PTPRF: variants seen among roughly 807,000 people sequenced by gnomAD.
The protein encoded by PTPRF is receptor-type tyrosine-protein phosphatase F.
Under a neutral mutation model 201.8 loss-of-function variants are expected in PTPRF, and 59 were observed. The observed-to-expected ratio is 0.29, with a 90% CI of 0.24 to 0.36. PTPRF has a LOEUF of 0.36. Among genes scored for constraint, PTPRF ranks in the 10% least tolerant of loss-of-function variants. The pLI is 1.00. For synonymous variants in PTPRF, 1,088 were observed against 1,089.7 expected, an observed-to-expected ratio of 1.00 and a Z score of 0.03; for missense variants, 2,132 against 2,690.5, an observed-to-expected ratio of 0.79 and a Z score of 4.59.
intron 14 of PTPRF, 71 bp downstream of exon 14, chr1:43,602,168 C>G: frequency 6.5e-7 from 1 of 1,531,424 alleles, no homozygotes; most frequent in Admixed American, 1.7e-5. Flanking sequence ...CCTCCTCTCC[C>G]TCCTTTCCTG....
rs762765550 is a variant in PTPRF at position 43,619,515 on chromosome 1, A to G, written c.4874A>G (p.Gln1625Arg). The G allele has an allele frequency of 3.7e-6, 6 of 1,614,022 alleles. No homozygotes were observed. The highest frequency in any genetic ancestry group is 5.1e-6 in the Non-Finnish European group (6 of 1,180,018). Reference protein sequence around the residue: ...VPARNLYAHIQKLGQVPPGES... With the variant: ...VPARNLYAHIRKLGQVPPGES... ...GCCCGCAACCTGTATGCCCACATCC[A>G]GAAGCTGGGCCAAGTGCCTCCAGGG... The change falls in exon 28 of 34, where the codon CAG becomes CGG. Residue 1625 changes from glutamine (Q) to arginine (R), a missense_variant. Around this residue, in one of 6 missense-constraint regions of PTPRF, gnomAD observed 519 missense variants for 659.5 expected, o/e 0.79. Transcript: ENST00000359947.
chr1:43,622,036 G>T lies in PTPRF; in HGVS notation c.*33G>T, dbSNP rs754963221. ...TCCCCTCTCCTCCGCCACCCCCGCCGTGGGGCTCCGGAGGGGACCCAGCTC... is the reference window on the plus strand; with the variant it reads ...TCCCCTCTCCTCCGCCACCCCCGCCTTGGGGCTCCGGAGGGGACCCAGCTC... On this transcript the variant is annotated 3_prime_UTR_variant, in exon 34 of 34. Transcript: ENST00000359947. The T allele has an allele frequency of 8.7e-6, 14 of 1,607,964 alleles. No individual in the cohort carries two copies. Among genetic ancestry groups the T allele is most frequent in the Non-Finnish European group, 1.1e-5 (13 of 1,174,812 alleles).
Position 43,613,697 on chromosome 1 carries a change from G to A in PTPRF, c.4053G>A (p.Lys1351=). The A allele has an allele frequency of 6.2e-7, 1 of 1,614,052 alleles. No individual in the cohort carries two copies. Among genetic ancestry groups the A allele is most frequent in the Non-Finnish European group, 8.5e-7 (1 of 1,179,908 alleles). Residue 1351 remains lysine, a synonymous_variant, in exon 23 of 34, where the codon AAG becomes AAA. Coordinates refer to ENST00000359947, the MANE Select transcript of PTPRF (RefSeq NM_002840.5). ...IERLKANDGL[K]FSQEYESIDP... The stretch of plus-strand genomic sequence containing the variant: ...GCCTCAAAGCCAACGATGGCCTCAA[G>A]TTCTCCCAGGAGTATGAGGTGAGAT...
chr1:43,616,658 G>A (rs1657933510), intron 23 of PTPRF, among the ~76,000 whole-genome samples: 2 of 152,078 alleles, frequency 1.3e-5, no homozygotes, highest in South Asian at 4.2e-4. Context: ...TTTCGCTAAG[G>A]TGTAGTCCCA....
rs143432068 is a variant in PTPRF at position 43,618,737 on chromosome 1, C to T, written c.4479C>T (p.Phe1493=). 3.9e-4 allele frequency: 633 copies of T among 1,604,502 alleles called. 1 individual carries two copies. The highest frequency in any genetic ancestry group is 5.1e-4 in the Non-Finnish European group (601 of 1,172,112). ...VELATYTVRT[F]ALHKSGSSEK... is the part of the protein sequence containing the mutation. Reference sequence around the variant, plus strand: ...TGGCCACATACACTGTGCGCACCTTCGCACTCCACAAGGTATAGCCTTTCC... The same window carrying T: ...TGGCCACATACACTGTGCGCACCTTTGCACTCCACAAGGTATAGCCTTTCC... The change falls in exon 26 of 34, where the codon TTC becomes TTT. Residue 1493 remains phenylalanine (F), a synonymous_variant. Transcript: ENST00000359947.
At chr1:43,604,792 C>T (rs180928489) in intron 16 of PTPRF, 111 bp from the exon 17 acceptor site, 2 of 901,568 alleles carry the variant, frequency 2.2e-6, no homozygotes, top group Non-Finnish European at 3.6e-6. Flanking sequence ...CATCCTTCAA[C>T]CCCCTGTTCC....
rs1217111490 is a variant in PTPRF at position 43,537,029 on chromosome 1, C to T, written c.-125-1169C>T. Among the ~76,000 whole-genome samples the T allele has an allele frequency of 2.6e-5, 4 of 152,092 alleles. No individual in the cohort carries two copies. Among genetic ancestry groups the T allele is most frequent in the Non-Finnish European group, 4.4e-5 (3 of 68,018 alleles). ...CCTCCCACTGTGGTTTCTTTGTGTC[C>T]GTTATAGGAGGAGCCAAGGTGGCAG... On this transcript the variant is annotated intron_variant, in intron 1 of 33. Coordinates refer to ENST00000359947, the MANE Select transcript of PTPRF (RefSeq NM_002840.5). The surrounding 1 kb of genome is among the most constrained non-coding windows in gnomAD (Gnocchi z 4.8).
chr1:43,534,972 G>A lies in PTPRF; in HGVS notation c.-125-3226G>A, dbSNP rs143702107. On this transcript the variant is annotated intron_variant, in intron 1 of 33. Coordinates refer to ENST00000359947, the MANE Select transcript of PTPRF (RefSeq NM_002840.5). Reference sequence around the variant, plus strand: ...GGATTAAAGATAGTATGCATAAAGTGTGTGTAGCACAGGGCTTGGCATCTA... The same window carrying A: ...GGATTAAAGATAGTATGCATAAAGTATGTGTAGCACAGGGCTTGGCATCTA... Among the ~76,000 whole-genome samples, 15 of 152,344 alleles carry A rather than the reference G, an allele frequency of 9.8e-5. No individual in the cohort carries two copies. In the East Asian group the frequency reaches 2.9e-3, roughly 29 times the overall value.
intron 7 of PTPRF, among the ~76,000 whole-genome samples, chr1:43,585,285 G>A (rs970057724): frequency 1.3e-5 from 2 of 152,228 alleles, no homozygotes; most frequent in African/African-American, 4.8e-5. Context: ...GGGGGTGGCT[G>A]TCTGGGCAGG....
At chr1:43,600,370 A>ACG (rs1653450440) in intron 13 of PTPRF, among the ~76,000 whole-genome samples, 1 of 152,082 alleles carries the variant, frequency 6.6e-6, no homozygotes, top group Non-Finnish European at 1.5e-5. Context: ...AGGCTCAGGG[A>ACG]CGCTGCCCAT....
chr1:43,573,508 AG>A (rs941496920), intron 6 of PTPRF, among the ~76,000 whole-genome samples: 1 of 152,202 alleles, frequency 6.6e-6, no homozygotes, highest in Non-Finnish European at 1.5e-5. Flanking sequence ...TGGGACGCAG[AG>A]GGCTTGCAGC....
chr1:43,564,270 G>GCCTTCCAAAAGT (rs1296420799), intron 5 of PTPRF, among the ~76,000 whole-genome samples: 1 of 152,156 alleles, frequency 6.6e-6, no homozygotes, highest in Non-Finnish European at 1.5e-5. Context: ...CTTTTGGAAG[G>GCCTTCCAAAAGT]CGTCTGGCTC....
Position 43,546,083 on chromosome 1 carries a change from C to A in PTPRF, c.91+917C>A, listed in dbSNP as rs902880123. Among the ~76,000 whole-genome samples, 1 of 152,298 alleles carries A rather than the reference C, an allele frequency of 6.6e-6. No homozygotes were observed. Among genetic ancestry groups the A allele is most frequent in the South Asian group, 2.1e-4 (1 of 4,818 alleles). ...GAGCCCAGGGGTGATCCAGGGCCAACCCTGGGGTCAGCCCACGGGTCACCA... is the reference window on the plus strand; with the variant it reads ...GAGCCCAGGGGTGATCCAGGGCCAAACCTGGGGTCAGCCCACGGGTCACCA... On this transcript the variant is annotated intron_variant, in intron 3 of 33. Coordinates refer to ENST00000359947, the MANE Select transcript of PTPRF (RefSeq NM_002840.5). This position sits in a 1 kb window ranked among gnomAD's most constrained non-coding sequence, Gnocchi z 4.2.
intron 2 of PTPRF, among the ~76,000 whole-genome samples, chr1:43,540,444 C>T (rs1295342859): frequency 1.3e-5 from 2 of 152,126 alleles, no homozygotes; most frequent in Non-Finnish European, 2.9e-5. Context: ...ACGGCAGGTA[C>T]AGAGGCTTGG....
chr1:43,552,717 A>G (rs1645112910), intron 3 of PTPRF, among the ~76,000 whole-genome samples: 1 of 152,142 alleles, frequency 6.6e-6, no homozygotes, highest in Non-Finnish European at 1.5e-5. Context: ...TTGAATTCTT[A>G]GGGATAGGGG....
At chr1:43,619,602 C>A (rs763863388) in intron 28 of PTPRF, 29 bp downstream of exon 28, 1 of 1,610,312 alleles carries the variant, frequency 6.2e-7, no homozygotes, top group Non-Finnish European at 8.5e-7. Flanking sequence ...TGCTTGGCTC[C>A]AGGGCCTAGA....
chr1:43,616,977 C>T lies in PTPRF; in HGVS notation c.4072-468C>T, dbSNP rs575820959. On this transcript the variant is annotated intron_variant, in intron 23 of 33. Transcript: ENST00000359947. Reference sequence around the variant, plus strand: ...AAGGAGCAGCTGAAAGGAAGAGAGCCGAGCAGGGAGGGATCCTGGACTACC... The same window carrying T: ...AAGGAGCAGCTGAAAGGAAGAGAGCTGAGCAGGGAGGGATCCTGGACTACC... Among the ~76,000 whole-genome samples the T allele has an allele frequency of 4.6e-5, 7 of 152,164 alleles. No individual in the cohort carries two copies. The East Asian group carries it at 7.7e-4, about 17-fold the overall frequency.
intron 5 of PTPRF, among the ~76,000 whole-genome samples, chr1:43,567,683 G>A (rs1003992320): frequency 4.6e-5 from 7 of 152,068 alleles, no homozygotes; most frequent in African/African-American, 1.7e-4. Context: ...TCTTCTACCC[G>A]CCCCCCAGTC....
intron 22 of PTPRF, among the ~76,000 whole-genome samples, chr1:43,610,697 C>T (rs12079126): frequency 0.25 from 38,199 of 152,140 alleles, 5,862 homozygotes; most frequent in East Asian, 0.47. Context: ...TAATGAAATC[C>T]CATCTCTACT....
Sources: allele counts gnomAD v4.1 joint callset (sites outside exome capture counted in the v4.1 genomes callset), GRCh38; gene constraint gnomAD v4.1.1; regional missense constraint gnomAD v4.1.1; non-coding constraint Gnocchi (gnomAD v3.1); transcripts MANE v1.5; gene names NCBI Gene and HGNC (gene_info 2026-07-23, HGNC 2026-07-21).